Variants in ESCO1 observed in about 807,000 individuals in gnomAD.
ESCO1 encodes establishment of sister chromatid cohesion N-acetyltransferase 1, also known as N-acetyltransferase ESCO1.
ESCO1 carries 33 observed loss-of-function variants against 83.5 expected under a neutral mutation model. The observed-to-expected ratio is 0.40, with a 90% CI of 0.30 to 0.53. The LOEUF (loss-of-function observed/expected upper bound fraction) is 0.53. ESCO1 is among the 20% of genes least tolerant of loss of function. The pLI is 0.63. For missense variants in ESCO1, 855 were observed against 968.0 expected (o/e 0.88, Z 1.55); for synonymous variants, 332 against 324.3 (o/e 1.02, Z -0.25).
At chr18:21,566,011 T>C (rs1021333145) in intron 6 of ESCO1, 135 bp downstream of exon 6, 7 of 718,004 alleles carry the variant, frequency 9.7e-6, no homozygotes, top group East Asian at 7.6e-5. Context: ...TGTATAGGCA[T>C]AGAAAAAGCT....
rs2038399286 is a variant in ESCO1 at position 21,574,876 on chromosome 18, T to C, written c.-33A>G. 1.3e-6 allele frequency: 2 copies of C among 1,517,176 alleles called. No individual in the cohort carries two copies. Among genetic ancestry groups the C allele is most frequent in the African/African-American group, 1.4e-5 (1 of 71,956 alleles). 94.0% of individuals were successfully genotyped at this position (1,517,176 alleles called of 1,614,324 possible). On this transcript the variant is annotated 5_prime_UTR_variant, in exon 4 of 12. Coordinates refer to ENST00000269214, the MANE Select transcript of ESCO1 (RefSeq NM_052911.3). ...TAATGACTTTCTTTTCTGAGTAGTT[T>C]TGAAGAGGATTTTTGTGTCCTGGTA...
chr18:21,585,462 C>T (rs1439042115), intron 1 of ESCO1, among the ~76,000 whole-genome samples: 3 of 152,122 alleles, frequency 2.0e-5, no homozygotes, highest in Non-Finnish European at 4.4e-5. Context: ...TTGTCCTGGC[C>T]CCTTTTATAA....
chr18:21,583,545 G>A (rs752117710), intron 2 of ESCO1, among the ~76,000 whole-genome samples: 139 of 152,086 alleles, frequency 9.1e-4, no homozygotes, highest in Non-Finnish European at 1.6e-3. Flanking sequence ...TCAGGAGGCT[G>A]AGGCAGGAGA....
intron 1 of ESCO1, among the ~76,000 whole-genome samples, chr18:21,595,654 C>A (rs1478862091): frequency 6.8e-6 from 1 of 146,572 alleles, no homozygotes; most frequent in Non-Finnish European, 1.5e-5. Context: ...GGCAACAGAG[C>A]GAGACTCCGA....
At chr18:21,536,548 G>A (rs1438192741) in intron 9 of ESCO1, among the ~76,000 whole-genome samples, 1 of 148,586 alleles carries the variant, frequency 6.7e-6, no homozygotes, top group Admixed American at 6.8e-5. Flanking sequence ...CCGAGATTGC[G>A]CCGTTGCACT....
chr18:21,556,054 A>G (rs2038108654), intron 8 of ESCO1, among the ~76,000 whole-genome samples: 1 of 151,868 alleles, frequency 6.6e-6, no homozygotes, highest in Non-Finnish European at 1.5e-5. Context: ...CAGGAGTTCA[A>G]GACCAGTCTG....
At chr18:21,555,297 A>G (rs1297285696) in intron 8 of ESCO1, among the ~76,000 whole-genome samples, 1 of 152,232 alleles carries the variant, frequency 6.6e-6, no homozygotes, top group Non-Finnish European at 1.5e-5. Context: ...CAGAATTTTT[A>G]GCACAGTGCA....
chr18:21,550,541 A>G (rs1318288745), intron 8 of ESCO1, among the ~76,000 whole-genome samples: 8 of 152,234 alleles, frequency 5.3e-5, no homozygotes, highest in African/African-American at 1.9e-4. Context: ...ACAATATCCC[A>G]GTATGTAAGA....
intron 8 of ESCO1, among the ~76,000 whole-genome samples, chr18:21,552,452 A>G (rs918339713): frequency 4.6e-5 from 7 of 152,270 alleles, no homozygotes; most frequent in African/African-American, 1.7e-4. Context: ...TTTGCTCGGC[A>G]CTTCTCTCTC....
intron 8 of ESCO1, among the ~76,000 whole-genome samples, chr18:21,554,220 G>C (rs2038083416): frequency 6.6e-6 from 1 of 152,154 alleles, no homozygotes; most frequent in Non-Finnish European, 1.5e-5. Flanking sequence ...AGCAACTTTG[G>C]AATAGAGTCT....
chr18:21,537,916 T>A (rs929804645), intron 9 of ESCO1, among the ~76,000 whole-genome samples: 1 of 152,088 alleles, frequency 6.6e-6, no homozygotes, highest in African/African-American at 2.4e-5. Context: ...TATGTAGGGC[T>A]TTTTTCAATA....
intron 8 of ESCO1, among the ~76,000 whole-genome samples, chr18:21,553,674 A>G (rs547670575): frequency 7.9e-5 from 12 of 151,942 alleles, no homozygotes; most frequent in Non-Finnish European, 1.8e-4. Flanking sequence ...CCTGACCAAC[A>G]TGGAGAAACC....
chr18:21,538,963 A>ATAGGTTTTAAAATAACCT (rs2037870557), intron 9 of ESCO1, among the ~76,000 whole-genome samples: 5 of 152,018 alleles, frequency 3.3e-5, no homozygotes, highest in Admixed American at 6.6e-5. Flanking sequence ...TAACCTATAT[A>ATAGGTTTTAAAATAACCT]ATAAAATGGT....
chr18:21,564,679 A>G (rs1015653180), intron 6 of ESCO1, among the ~76,000 whole-genome samples: 5 of 151,670 alleles, frequency 3.3e-5, no homozygotes, highest in Admixed American at 3.3e-4. Context: ...TACAGGCGTG[A>G]GCCACCGCGC....
Position 21,573,391 on chromosome 18 carries a change from A to C in ESCO1, c.1453T>G (p.Leu485Val). Residue 485 changes from leucine (L) to valine (V), a missense_variant, in exon 4 of 12, where the codon TTG becomes GTG. By Grantham distance (32) the Leu-to-Val change is conservative (BLOSUM62 1). Coordinates refer to ENST00000269214, the MANE Select transcript of ESCO1 (RefSeq NM_052911.3). ...TCAGAAGGTTTTATCTCATTGGCCA[A>C]ATGACAATTTTCAGGAGCCCTTTCT... ...TTERAPENCH[L>V]ANEIKPSDPP... 6.2e-7 allele frequency: 1 copy of C among 1,609,442 alleles called. No homozygotes were observed. The highest frequency in any genetic ancestry group is 1.1e-5 in the South Asian group (1 of 89,470).
intron 8 of ESCO1, among the ~76,000 whole-genome samples, chr18:21,542,014 T>G (rs1180869660): frequency 6.6e-6 from 1 of 152,246 alleles, no homozygotes; most frequent in African/African-American, 2.4e-5. Flanking sequence ...TTCAGACTTG[T>G]ATGTTCATGC....
intron 1 of ESCO1, among the ~76,000 whole-genome samples, chr18:21,592,053 G>T (rs1476200522): frequency 6.6e-6 from 1 of 151,794 alleles, no homozygotes; most frequent in African/African-American, 2.4e-5. Flanking sequence ...AAAATGAAAA[G>T]TCTCCCATGT....
chr18:21,540,084 G>T, intron 8 of ESCO1, 75 bp from the exon 9 acceptor site: 1 of 1,255,546 alleles, frequency 8.0e-7, no homozygotes, highest in Non-Finnish European at 1.1e-6. Context: ...TTATATCCAC[G>T]TACAAGATAA....
In ESCO1 at chr18:21,571,812, C is replaced by T. The variant is rs149041345; in HGVS notation, c.1530+1502G>A. 4.6e-5 allele frequency among the ~76,000 whole-genome samples: 7 copies of T among 152,334 alleles called. No individual in the cohort carries two copies. The East Asian group carries it at 1.2e-3, about 25-fold the overall frequency. On this transcript the variant is annotated intron_variant, in intron 4 of 11. Transcript: ENST00000269214. Reference sequence around the variant, plus strand: ...AACTTATTACTCATACTACAACTCACTACTTATTTCTAATTACTATCACTG... The same window carrying T: ...AACTTATTACTCATACTACAACTCATTACTTATTTCTAATTACTATCACTG...
Sources: gnomAD v4.1 joint callset for allele counts (sites outside exome capture counted in the v4.1 genomes callset) on GRCh38, gnomAD v4.1.1 for gene constraint, MANE v1.5 for transcripts, NCBI Gene and HGNC (gene_info 2026-07-23, HGNC 2026-07-21) for gene names.